The following JAZF1 variants were observed in gnomAD, a reference collection of about 807,000 sequenced individuals.
JAZF1 encodes the protein juxtaposed with another zinc finger protein 1.
JAZF1 carries 8 observed loss-of-function variants against 26.4 expected under a neutral mutation model. That is an observed-to-expected ratio of 0.30 (90% CI 0.18 to 0.55). The LOEUF is 0.55. JAZF1 is among the 20% of genes least tolerant of loss of function. The probability of loss-of-function intolerance (pLI) is 0.94; values close to 1 mark genes in which losing one functional copy is unlikely to be tolerated. For missense variants in JAZF1, 199 were observed against 322.0 expected, an observed-to-expected ratio of 0.62 and a Z score of 2.92; for synonymous variants, 126 against 122.3, an observed-to-expected ratio of 1.03 and a Z score of -0.20.
At chr7:27,944,184 C>A (rs1181141215) in intron 2 of JAZF1, among the ~76,000 whole-genome samples, 3 of 152,130 alleles carry the variant, frequency 2.0e-5, no homozygotes, top group Non-Finnish European at 2.9e-5. Context: ...CTACATCTTG[C>A]CGAACCCTTT....
chr7:28,006,348 A>C (rs989171120), intron 1 of JAZF1, among the ~76,000 whole-genome samples: 7 of 152,080 alleles, frequency 4.6e-5, no homozygotes, highest in African/African-American at 1.7e-4. Context: ...CAGCCTGGGC[A>C]ACAGAGCAAG....
At chr7:28,049,087 CTCTCTT>C (rs1390787660) in intron 1 of JAZF1, among the ~76,000 whole-genome samples, 2 of 128,898 alleles carry the variant, frequency 1.6e-5, no homozygotes, top group Non-Finnish European at 3.2e-5. Context: ...CTCTCTCTCT[CTCTCTT>C]TCTTTCTTTG....
chr7:28,167,943 T>G (rs1477877838), intron 1 of JAZF1, among the ~76,000 whole-genome samples: 1 of 152,238 alleles, frequency 6.6e-6, no homozygotes, highest in Non-Finnish European at 1.5e-5. Flanking sequence ...ATACAAGGTT[T>G]ACTTTGCACC....
chr7:27,975,069 T>C (rs549209702), intron 2 of JAZF1, among the ~76,000 whole-genome samples: 210 of 152,062 alleles, frequency 1.4e-3, no homozygotes, highest in Non-Finnish European at 2.3e-3. Flanking sequence ...GTATTTTTAG[T>C]AGAGATGGGG....
At chr7:28,173,210 C>A (rs1321374396) in intron 1 of JAZF1, among the ~76,000 whole-genome samples, 1 of 152,086 alleles carries the variant, frequency 6.6e-6, no homozygotes, top group Non-Finnish European at 1.5e-5. Flanking sequence ...CTCTGTGGTC[C>A]CTATTATTAT....
At chr7:28,168,326 G>A (rs1402561801) in intron 1 of JAZF1, among the ~76,000 whole-genome samples, 1 of 144,884 alleles carries the variant, frequency 6.9e-6, no homozygotes, top group Non-Finnish European at 1.5e-5. Context: ...AGTTTGCAGT[G>A]AGCTGCGACG....
chr7:27,881,052 T>C (rs1783762752), intron 3 of JAZF1, among the ~76,000 whole-genome samples: 1 of 152,248 alleles, frequency 6.6e-6, no homozygotes, highest in South Asian at 2.1e-4. Context: ...CTGTAATGCA[T>C]ATTTATTATA....
chr7:27,911,906 ATTTT>A (rs1311465379), intron 2 of JAZF1, among the ~76,000 whole-genome samples: 27 of 152,190 alleles, frequency 1.8e-4, no homozygotes, highest in African/African-American at 5.8e-4. Flanking sequence ...TTCAGACAAT[ATTTT>A]TATGTTTTTA....
At chr7:28,041,224 T>G (rs555892972) in intron 1 of JAZF1, among the ~76,000 whole-genome samples, 3 of 152,300 alleles carry the variant, frequency 2.0e-5, no homozygotes, top group Admixed American at 6.5e-5. Flanking sequence ...CCCAGTTCTG[T>G]GCATGTCTGC....
chr7:28,110,448 AAAAGGAAAGGAAAGGAAAGG>A (rs147739964), intron 1 of JAZF1, among the ~76,000 whole-genome samples: 846 of 63,952 alleles, frequency 0.013, 53 homozygotes, highest in Middle Eastern at 0.019. Flanking sequence ...GAGAGAGAGA[AAAAGGAAAGGAAAGGAAAGG>A]AAAGGAAAGG....
intron 1 of JAZF1, among the ~76,000 whole-genome samples, chr7:28,046,873 C>T (rs971546039): frequency 6.6e-6 from 1 of 152,106 alleles, no homozygotes; most frequent in Admixed American, 6.6e-5. Context: ...TGAATATTAA[C>T]GCTTTTTATG....
chr7:27,871,372 C>T (rs1210882154), intron 3 of JAZF1, among the ~76,000 whole-genome samples: 6 of 152,208 alleles, frequency 3.9e-5, no homozygotes, highest in Admixed American at 3.9e-4. Context: ...TTAACTGTTT[C>T]TTCCCTTGCT....
intron 1 of JAZF1, among the ~76,000 whole-genome samples, chr7:28,179,922 C>T (rs1278412044): frequency 6.9e-6 from 1 of 145,336 alleles, no homozygotes; most frequent in East Asian, 2.1e-4. Context: ...CCCGCCCCCC[C>T]GCTCCACCTC....
intron 1 of JAZF1, among the ~76,000 whole-genome samples, chr7:28,020,109 C>T (rs1277536474): frequency 6.6e-6 from 1 of 151,690 alleles, no homozygotes; most frequent in Non-Finnish European, 1.5e-5. Flanking sequence ...AAGCTTTTAC[C>T]AAAAAAGAAA....
chr7:28,119,699 A>G (rs901504698), intron 1 of JAZF1, among the ~76,000 whole-genome samples: 1 of 152,122 alleles, frequency 6.6e-6, no homozygotes, highest in Non-Finnish European at 1.5e-5. Context: ...TACTACTTAC[A>G]TGACAGCCCC....
chr7:28,040,861 C>A (rs1345783328), intron 1 of JAZF1, among the ~76,000 whole-genome samples: 1 of 152,040 alleles, frequency 6.6e-6, no homozygotes, highest in African/African-American at 2.4e-5. Context: ...AAGCTTTATC[C>A]CAAGAATCAC....
rs1221298536 is a variant in JAZF1 at position 28,170,335 on chromosome 7, ATATGTGTGTG to A, written c.115+10118_115+10127del. Among the ~76,000 whole-genome samples, 547 of 140,146 alleles carry A rather than the reference ATATGTGTGTG, an allele frequency of 3.9e-3. 6 individuals carry two copies. Among genetic ancestry groups the A allele is most frequent in the African/African-American group, 9.5e-3 (356 of 37,338 alleles). The allele number at this position is 140,146 out of a possible 152,430, so 91.9% of individuals were successfully genotyped here. On this transcript the variant is annotated intron_variant, in intron 1 of 4. Transcript: ENST00000283928. ...GAAATCTGAAGTAAAAGAGAAGTTG[ATATGTGTGTG>A]TGTGTGTGTGTGTGTGTGTGTGTGT...
intron 3 of JAZF1, among the ~76,000 whole-genome samples, chr7:27,873,331 T>C (rs544909924): frequency 2.4e-4 from 37 of 152,352 alleles, no homozygotes; most frequent in African/African-American, 7.9e-4. Flanking sequence ...TCGCTCTTCT[T>C]TGATTGCATT....
chr7:28,171,094 A>G (rs1033139785), intron 1 of JAZF1, among the ~76,000 whole-genome samples: 1 of 152,248 alleles, frequency 6.6e-6, no homozygotes, highest in African/African-American at 2.4e-5. Flanking sequence ...TAGTGAGATC[A>G]GGAGGATTCA....
Sources: allele counts gnomAD v4.1 joint callset (sites outside exome capture counted in the v4.1 genomes callset), GRCh38; gene constraint gnomAD v4.1.1; transcripts MANE v1.5; gene names NCBI Gene and HGNC (gene_info 2026-07-23, HGNC 2026-07-21).